NUP62CL: variants seen among roughly 807,000 people sequenced by gnomAD.
NUP62CL encodes nucleoporin 62 C-terminal like.
A neutral mutation model predicts 15.3 loss-of-function variants in NUP62CL; 13 were observed. That is an observed-to-expected ratio of 0.85 (90% CI 0.55 to 1.35). The LOEUF (loss-of-function observed/expected upper bound fraction) is 1.35. Among genes scored for constraint, NUP62CL ranks in the 40% most tolerant of loss-of-function variants. NUP62CL has a pLI of 0.00. For synonymous variants in NUP62CL, 54 were observed against 49.2 expected, an observed-to-expected ratio of 1.10 and a Z score of -0.41; for missense variants, 123 against 130.6, an observed-to-expected ratio of 0.94 and a Z score of 0.28.
chrX:107,125,118 C>T (rs1457334772), intron 8 of NUP62CL, among the ~76,000 whole-genome samples: 1 of 111,888 alleles, frequency 8.9e-6, no homozygotes, highest in African/African-American at 3.2e-5. Flanking sequence ...TCTCCTCTTC[C>T]TCCTCACCCT....
chrX:107,197,146 A>T (rs1432837429), intron 1 of NUP62CL, among the ~76,000 whole-genome samples: 2 of 111,711 alleles, frequency 1.8e-5, no homozygotes, highest in Admixed American at 1.9e-4. Flanking sequence ...TATATCTTTT[A>T]TCTTTTTCTG....
At position 107,205,203 on chromosome X, in the gene NUP62CL, C is replaced by T. The variant is rs146396669; in HGVS notation, c.-92+1070G>A. ...CACAGTCAAAAGGTCTGAAAAACAC[C>T]GGCTGAGCATTACAGACTTAGAATA... is the stretch of plus-strand genomic sequence containing the variant. On this transcript the variant is annotated intron_variant, in intron 1 of 8. Transcript: ENST00000372466. 2.6e-3 allele frequency among the ~76,000 whole-genome samples: 287 copies of T among 111,072 alleles called. 2 individuals are homozygous for T. The highest frequency in any genetic ancestry group is 8.4e-3 in the African/African-American group (258 of 30,620).
intron 2 of NUP62CL, among the ~76,000 whole-genome samples, chrX:107,178,954 G>C (rs1926848515): frequency 9.1e-6 from 1 of 109,579 alleles, no homozygotes; most frequent in Admixed American, 9.8e-5. Context: ...AATGAGCTGG[G>C]TGTGGTAGTA....
At chrX:107,132,361 C>A in intron 8 of NUP62CL, 2 of 535,116 alleles carry the variant, frequency 3.7e-6, no homozygotes, top group East Asian at 3.4e-5. Flanking sequence ...AGCTTTCAGT[C>A]TTTTAATGTT....
At chrX:107,186,830 G>A (rs928999354) in intron 2 of NUP62CL, among the ~76,000 whole-genome samples, 1 of 111,349 alleles carries the variant, frequency 9.0e-6, no homozygotes, top group African/African-American at 3.3e-5. Context: ...TGCGGGAGGC[G>A]GAAGTTGCAG....
intron 3 of NUP62CL, among the ~76,000 whole-genome samples, chrX:107,169,809 A>T (rs202002993): frequency 2.9e-5 from 3 of 103,549 alleles, no homozygotes; most frequent in Non-Finnish European, 4.1e-5. Context: ...ACAGAAAGAA[A>T]TTTTTTTTTT....
intron 2 of NUP62CL, among the ~76,000 whole-genome samples, chrX:107,184,023 A>G (rs1014113897): frequency 9.1e-6 from 1 of 110,084 alleles, no homozygotes; most frequent in African/African-American, 3.3e-5. Context: ...TCAGGTGTCC[A>G]CTGAGACCAA....
At chrX:107,142,320 C>T (rs1323102089) in intron 8 of NUP62CL, among the ~76,000 whole-genome samples, 2 of 111,076 alleles carry the variant, frequency 1.8e-5, no homozygotes, top group Non-Finnish European at 3.8e-5. Flanking sequence ...CATAGCCATT[C>T]AGCTTAGTAC....
rs1925306100 is a variant in NUP62CL at position 107,123,473 on chromosome X, T to C, written c.*902A>G. 3 of 111,104 alleles carry C rather than the reference T, an allele frequency of 2.7e-5. No homozygotes were observed. Among genetic ancestry groups the C allele is most frequent in the Middle Eastern group, 4.6e-3 (1 of 216 alleles). The allele number at this position is 111,104 out of a possible 1,213,427, so 9.2% of individuals were successfully genotyped here. Reference sequence around the variant, plus strand: ...AATAGTTAATTTCAGTATTACATGTTTTTTTTTAGGACATTACCTTTATTT... The same window carrying C: ...AATAGTTAATTTCAGTATTACATGTCTTTTTTTAGGACATTACCTTTATTT... On this transcript the variant is annotated 3_prime_UTR_variant, in exon 9 of 9. Coordinates refer to ENST00000372466, the MANE Select transcript of NUP62CL (RefSeq NM_017681.3).
chrX:107,180,536 A>T lies in NUP62CL; in HGVS notation c.-47-5343T>A, dbSNP rs112524094. On this transcript the variant is annotated intron_variant, in intron 2 of 8. Coordinates refer to ENST00000372466, the MANE Select transcript of NUP62CL (RefSeq NM_017681.3). ...TAATGTGAAAACATTCCAAATGTGTAAAATAAGCACATAAAGTTTTTAAGT... is the reference window on the plus strand; with the variant it reads ...TAATGTGAAAACATTCCAAATGTGTTAAATAAGCACATAAAGTTTTTAAGT... Among the ~76,000 whole-genome samples, 910 of 112,304 alleles carry T rather than the reference A, an allele frequency of 8.1e-3. 7 individuals carry two copies. Among genetic ancestry groups the T allele is most frequent in the Middle Eastern group, 0.018 (4 of 217 alleles).
intron 7 of NUP62CL, among the ~76,000 whole-genome samples, chrX:107,152,135 G>GATATATATATATTCAGAT (rs1328904470): frequency 4.2e-5 from 2 of 47,273 alleles, no homozygotes; most frequent in Non-Finnish European, 6.5e-5. Flanking sequence ...TATATATTCA[G>GATATATATATATTCAGAT]ATATATATAT....
intron 6 of NUP62CL, 58 bp from the exon 7 acceptor site, chrX:107,153,364 A>G: frequency 8.8e-7 from 1 of 1,131,168 alleles, no homozygotes; most frequent in Non-Finnish European, 1.2e-6. Flanking sequence ...GACAAAAAGA[A>G]AAGAGTTAAC....
At chrX:107,179,128 T>G (rs921378958) in intron 2 of NUP62CL, among the ~76,000 whole-genome samples, 1 of 110,363 alleles carries the variant, frequency 9.1e-6, no homozygotes, top group African/African-American at 3.3e-5. Context: ...AATAACCAAT[T>G]GTATAGCAAA....
chrX:107,170,302 T>A (rs1926617857), intron 3 of NUP62CL, among the ~76,000 whole-genome samples: 2 of 111,489 alleles, frequency 1.8e-5, no homozygotes, highest in South Asian at 7.5e-4. Flanking sequence ...GATAAACTGT[T>A]CTCTCTAGAG....
chrX:107,175,847 A>G (rs1926769250), intron 2 of NUP62CL, among the ~76,000 whole-genome samples: 1 of 111,319 alleles, frequency 9.0e-6, no homozygotes, highest in Non-Finnish European at 1.9e-5. Flanking sequence ...CACAGAGTTG[A>G]AGGGGTGAAA....
In NUP62CL at chrX:107,175,095, G is replaced by A. The variant is rs746791903; in HGVS notation, c.52C>T (p.Leu18Phe). ...TTTAGAATTAGTAACTTACATGAGA[G>A]CCCAATAGCAGCAGTGGAGGTCAAA... ...NSLTSTAAIGLSFTTSTTTTA... is the reference protein window; with the variant it reads ...NSLTSTAAIGFSFTTSTTTTA... Residue 18 changes from leucine (L) to phenylalanine (F), a missense_variant, in exon 3 of 9, where the codon CTC (leucine) becomes TTC (phenylalanine). By Grantham distance (22) the Leu-to-Phe change is conservative. Coordinates refer to ENST00000372466, the MANE Select transcript of NUP62CL (RefSeq NM_017681.3). 1.0e-5 allele frequency: 12 copies of A among 1,199,050 alleles called. No individual in the cohort carries two copies. Among genetic ancestry groups the A allele is most frequent in the Middle Eastern group, 2.3e-4 (1 of 4,318 alleles).
chrX:107,194,198 T>A (rs903523737), intron 1 of NUP62CL, among the ~76,000 whole-genome samples: 17 of 111,381 alleles, frequency 1.5e-4, no homozygotes, highest in African/African-American at 5.5e-4. Flanking sequence ...GTGAATTTCC[T>A]AGAACTGAAG....
intron 4 of NUP62CL, among the ~76,000 whole-genome samples, chrX:107,155,637 C>T (rs1926160066): frequency 8.9e-6 from 1 of 111,772 alleles, no homozygotes; most frequent in Admixed American, 9.4e-5. Flanking sequence ...AACATACAAA[C>T]ACACCCACCC....
At chrX:107,154,557 G>A (rs150868715) in intron 4 of NUP62CL, among the ~76,000 whole-genome samples, 33 of 111,950 alleles carry the variant, frequency 2.9e-4, no homozygotes, top group African/African-American at 9.7e-4. Flanking sequence ...AGCTCAGCAT[G>A]AGAGAAGCTC....
Sources: allele counts gnomAD v4.1 joint callset (sites outside exome capture counted in the v4.1 genomes callset), GRCh38; gene constraint gnomAD v4.1.1; transcripts MANE v1.5; gene names NCBI Gene and HGNC (gene_info 2026-07-23, HGNC 2026-07-21).